The following INO80D variants were observed in gnomAD, a reference collection of about 807,000 sequenced individuals.
The protein encoded by INO80D is INO80 complex subunit D.
INO80D carries 21 observed loss-of-function variants against 87.6 expected under a neutral mutation model. That is an observed-to-expected ratio of 0.24 (90% confidence interval 0.17 to 0.35). The LOEUF is 0.35. Among genes scored for constraint, INO80D ranks in the 10% least tolerant of loss-of-function variants. INO80D has a pLI of 1.00. For synonymous variants in INO80D, 440 were observed against 491.0 expected (o/e 0.90, Z 1.37); for missense variants, 982 against 1,280.7 (o/e 0.77, Z 3.56).
In INO80D at chr2:206,056,592, T is replaced by C. The variant is rs1689528547; in HGVS notation, c.570A>G (p.Arg190=). The part of the protein sequence containing the change: ...RQRETEILKV[R]QEHFSPPPAP... The stretch of plus-strand genomic sequence containing the variant: ...CAGGAGGGGGACTAAAGTGCTCTTG[T>C]CGAACTTTTAAAATCTCTGTCTCTC... Residue 190 remains arginine (R), a synonymous_variant, in exon 4 of 11, where the codon CGA becomes CGG. Coordinates refer to ENST00000403263, the MANE Select transcript of INO80D (RefSeq NM_017759.5). The C allele has an allele frequency of 5.0e-6, 8 of 1,610,954 alleles. No homozygotes were observed. Among genetic ancestry groups the C allele is most frequent in the Non-Finnish European group, 6.8e-6 (8 of 1,178,480 alleles).
rs1687905924 is a variant in INO80D at position 206,001,354 on chromosome 2, C to T, written c.*3014G>A. The T allele has an allele frequency of 6.6e-6, 1 of 152,150 alleles. No homozygotes were observed. The highest frequency in any genetic ancestry group is 2.4e-5 in the African/African-American group (1 of 41,424). The allele number at this position is 152,150 out of a possible 1,614,324, so 9.4% of individuals were successfully genotyped here. The stretch of plus-strand genomic sequence containing the variant: ...CTTTGTAAATTAAATCACAGTAACA[C>T]AATCTAACTGGCCTTTATAAATAGT... On this transcript the variant is annotated 3_prime_UTR_variant, in exon 11 of 11. Coordinates refer to ENST00000403263, the MANE Select transcript of INO80D (RefSeq NM_017759.5).
intron 1 of INO80D, among the ~76,000 whole-genome samples, chr2:206,075,500 G>A (rs998051032): frequency 3.3e-5 from 5 of 150,882 alleles, no homozygotes; most frequent in African/African-American, 7.3e-5. Flanking sequence ...GCAGTGGCAC[G>A]ATGTTGGCTC....
intron 1 of INO80D, among the ~76,000 whole-genome samples, chr2:206,072,154 T>C (rs1689988794): frequency 6.6e-6 from 1 of 152,132 alleles, no homozygotes; most frequent in African/African-American, 2.4e-5. Flanking sequence ...AGAAAGCTTC[T>C]TCCTTTGCTT....
intron 5 of INO80D, among the ~76,000 whole-genome samples, chr2:206,045,182 C>A (rs1689162820): frequency 6.6e-6 from 1 of 152,160 alleles, no homozygotes; most frequent in South Asian, 2.1e-4. Context: ...AAATAAGCTT[C>A]TGATGATAAT....
Position 206,004,624 on chromosome 2 carries a change from C to T in INO80D, c.2828G>A (p.Ser943Asn). 1 of 1,613,050 alleles carries T rather than the reference C, an allele frequency of 6.2e-7. No homozygotes were observed. Among genetic ancestry groups the T allele is most frequent in the Non-Finnish European group, 8.5e-7 (1 of 1,179,520 alleles). Residue 943 changes from serine (S) to asparagine (N), a missense_variant, in exon 11 of 11, where the codon AGT (serine) becomes AAT (asparagine). Coordinates refer to ENST00000403263, the MANE Select transcript of INO80D (RefSeq NM_017759.5). The surrounding 1 kb of genome is among the most constrained non-coding windows in gnomAD (Gnocchi z 4.9). ...AFATVTPSSSSVLPGLPQTSF... is the reference protein window; with the variant it reads ...AFATVTPSSSNVLPGLPQTSF... ...GGTCTGTGGTAACCCCGGAAGCACA[C>T]TGGAGCTGCTGGGGGTCACGGTGGC...
rs1196341373 is a variant in INO80D, at chr2:206,046,563, C to T, written c.1014G>A (p.Gln338=). 1.2e-6 allele frequency: 2 copies of T among 1,613,980 alleles called. No homozygotes were observed. The highest frequency in any genetic ancestry group is 1.7e-5 in the Admixed American group (1 of 60,020). The change falls in exon 5 of 11, where the codon CAG becomes CAA. Residue 338 remains glutamine (Q), a synonymous_variant. Transcript: ENST00000403263. ...ESGEEPEDSE[Q]ASPYQVAWSI... ...ACCATGCAACCTGGTAGGGCGAGGC[C>T]TGCTCTGAGTCCTCTGGTTCCTCTC...
At chr2:206,032,144 G>A (rs1183594724) in intron 5 of INO80D, among the ~76,000 whole-genome samples, 1 of 152,212 alleles carries the variant, frequency 6.6e-6, no homozygotes, top group African/African-American at 2.4e-5. Context: ...GAAATCTCCA[G>A]CTGAACTTTG....
At chr2:206,038,725 C>T (rs1688955842) in intron 5 of INO80D, among the ~76,000 whole-genome samples, 1 of 151,954 alleles carries the variant, frequency 6.6e-6, no homozygotes, top group Non-Finnish European at 1.5e-5. Context: ...CCCAGCTACT[C>T]GGGAGGCTGA....
Position 206,002,794 on chromosome 2 carries a change from CATCA to C in INO80D, c.*1570_*1573del, listed in dbSNP as rs1474893358. 6.6e-6 allele frequency: 1 copy of C among 152,174 alleles called. No individual in the cohort carries two copies. Among genetic ancestry groups the C allele is most frequent in the Non-Finnish European group, 1.5e-5 (1 of 68,036 alleles). The allele number at this position is 152,174 out of a possible 1,614,324, so 9.4% of individuals were successfully genotyped here. A position where few individuals can be genotyped will look rare whatever the true frequency, so the allele number is the denominator to read the frequency against. ...CCCTGACAAATGAATTATTGAACCA[CATCA>C]ATAGGTATGTTCTCTCAACTTTTAA... On this transcript the variant is annotated 3_prime_UTR_variant, in exon 11 of 11. Transcript: ENST00000403263.
At chr2:206,009,527 G>A in intron 9 of INO80D, 50 bp downstream of exon 9, 2 of 1,478,888 alleles carry the variant, frequency 1.4e-6, no homozygotes, top group Non-Finnish European at 9.2e-7. Context: ...GATGTTCTGA[G>A]AAGAATCCCA....
At chr2:206,022,207 T>C (rs1015056493) in intron 6 of INO80D, among the ~76,000 whole-genome samples, 1 of 150,424 alleles carries the variant, frequency 6.6e-6, no homozygotes, top group African/African-American at 2.4e-5. Context: ...CTACTAAAAA[T>C]ACAAAAAAAA....
In INO80D at chr2:206,001,217, G is replaced by A. The variant is rs898132889; in HGVS notation, c.*3151C>T. ...TAATAATTATGTAGAGAGAGTAAAG[G>A]AGAAAAAGCCCATCTTTTCTTCAGA... On this transcript the variant is annotated 3_prime_UTR_variant, in exon 11 of 11. Transcript: ENST00000403263. 69 of 152,244 alleles carry A rather than the reference G, an allele frequency of 4.5e-4. No individual in the cohort carries two copies. Among genetic ancestry groups the A allele is most frequent in the Admixed American group, 4.0e-3 (61 of 15,284 alleles). The allele number at this position is 152,244 out of a possible 1,614,324, so 9.4% of individuals were successfully genotyped here.
intron 1 of INO80D, among the ~76,000 whole-genome samples, chr2:206,070,234 G>A (rs1217913818): frequency 6.6e-6 from 1 of 151,894 alleles, no homozygotes; most frequent in Non-Finnish European, 1.5e-5. Context: ...TGGCCAACAT[G>A]TTGAAACACC....
chr2:206,041,983 T>G (rs1050038927), intron 5 of INO80D, among the ~76,000 whole-genome samples: 1 of 151,832 alleles, frequency 6.6e-6, no homozygotes, highest in African/African-American at 2.4e-5. Flanking sequence ...AAAATTAAAA[T>G]TAGCCAGGTG....
intron 1 of INO80D, among the ~76,000 whole-genome samples, chr2:206,074,443 G>A (rs1333317056): frequency 1.3e-5 from 2 of 152,044 alleles, no homozygotes; most frequent in Non-Finnish European, 2.9e-5. Flanking sequence ...TTGAAACCCC[G>A]TCTCTACAAA....
chr2:206,018,594 C>T (rs1414944681), intron 7 of INO80D, among the ~76,000 whole-genome samples: 1 of 152,186 alleles, frequency 6.6e-6, no homozygotes. Flanking sequence ...CAAACTCAAA[C>T]TCACAACCCA....
chr2:206,078,757 C>T (rs1012661599), intron 1 of INO80D, among the ~76,000 whole-genome samples: 2 of 152,028 alleles, frequency 1.3e-5, no homozygotes, highest in Non-Finnish European at 2.9e-5. Context: ...CTAGCCTGGC[C>T]AAGATGGTGA....
At chr2:206,020,765 C>G (rs1361662955) in intron 6 of INO80D, among the ~76,000 whole-genome samples, 2 of 151,870 alleles carry the variant, frequency 1.3e-5, no homozygotes, top group Non-Finnish European at 2.9e-5. Context: ...ATTTGCCAGC[C>G]CCCACTCCCT....
chr2:206,022,181 C>G (rs982373721), intron 6 of INO80D, among the ~76,000 whole-genome samples: 16 of 151,114 alleles, frequency 1.1e-4, no homozygotes, highest in African/African-American at 4.9e-5. Context: ...CTGGCCAACA[C>G]AGTGAAACCC....
Sources: gnomAD v4.1 joint callset for allele counts (sites outside exome capture counted in the v4.1 genomes callset) on GRCh38, gnomAD v4.1.1 for gene constraint, Gnocchi (gnomAD v3.1) non-coding constraint, MANE v1.5 for transcripts, NCBI Gene and HGNC (gene_info 2026-07-23, HGNC 2026-07-21) for gene names.